DENND4C: variants seen among roughly 807,000 people sequenced by gnomAD.
DENND4C encodes DENN domain-containing protein 4C.
Under a neutral mutation model 203.0 loss-of-function variants are expected in DENND4C, and 108 were observed. The observed-to-expected ratio is 0.53, with a 90% CI of 0.46 to 0.62. The LOEUF is 0.62. Ranked by LOEUF, DENND4C falls within the 20% of genes least tolerant of loss-of-function variation. DENND4C has a pLI of 0.00. For missense variants in DENND4C, 2,481 were observed against 2,301.2 expected (o/e 1.08, Z -1.60); for synonymous variants, 871 against 792.4 (o/e 1.10, Z -1.67).
chr9:19,306,948 A>G (rs1186498628), intron 10 of DENND4C, among the ~76,000 whole-genome samples: 1 of 151,566 alleles, frequency 6.6e-6, no homozygotes, highest in African/African-American at 2.4e-5. Context: ...CACCTGGCTA[A>G]TTTTTTTGTA....
chr9:19,323,340 G>GA (rs1490455806), intron 12 of DENND4C, among the ~76,000 whole-genome samples: 2 of 151,482 alleles, frequency 1.3e-5, no homozygotes, highest in Non-Finnish European at 2.9e-5. Flanking sequence ...TGAGGCAGGA[G>GA]AATCACTTAA....
intron 24 of DENND4C, among the ~76,000 whole-genome samples, chr9:19,351,675 C>T (rs997499515): frequency 4.6e-5 from 7 of 151,762 alleles, no homozygotes; most frequent in South Asian, 2.1e-4. Flanking sequence ...GGCGTGGCAG[C>T]GTGCGCCTGT....
intron 1 of DENND4C, among the ~76,000 whole-genome samples, chr9:19,240,634 C>G (rs1394057568): frequency 6.7e-6 from 1 of 150,350 alleles, no homozygotes; most frequent in African/African-American, 2.5e-5. Flanking sequence ...CCACTTCACT[C>G]CAGCTTGGGC....
chr9:19,278,312 T>C (rs1363487894), intron 2 of DENND4C, among the ~76,000 whole-genome samples: 2 of 152,114 alleles, frequency 1.3e-5, no homozygotes, highest in African/African-American at 2.4e-5. Context: ...ATTTTTGTAT[T>C]TTTAGTAGCA....
intron 1 of DENND4C, among the ~76,000 whole-genome samples, chr9:19,262,198 G>A (rs1339450508): frequency 7.2e-6 from 1 of 139,180 alleles, no homozygotes; most frequent in Non-Finnish European, 1.5e-5. Context: ...GGGATTCTTC[G>A]ACCTCAGCCT....
intron 1 of DENND4C, among the ~76,000 whole-genome samples, chr9:19,251,085 A>G (rs973274634): frequency 6.6e-6 from 1 of 152,242 alleles, no homozygotes; most frequent in Non-Finnish European, 1.5e-5. Context: ...CTGCCCTAGC[A>G]GAGGTTCTCC....
rs778011104 is a variant in DENND4C at position 19,346,735 on chromosome 9, A to G, written c.3966A>G (p.Leu1322=). 3.1e-6 allele frequency: 5 copies of G among 1,614,220 alleles called. No homozygotes were observed. Among genetic ancestry groups the G allele is most frequent in the Non-Finnish European group, 4.2e-6 (5 of 1,180,028 alleles). Residue 1322 remains leucine, a synonymous_variant, in exon 23 of 33, where the codon CTA becomes CTG. Transcript: ENST00000434457. ...SGMTTAFIHA[L]ERRSSLPLDH... ...TGACTACTGCATTTATTCATGCTCT[A>G]GAGAGGAGATCAAGCCTACCTTTAG...
intron 1 of DENND4C, among the ~76,000 whole-genome samples, chr9:19,271,027 A>G (rs187713052): frequency 1.3e-5 from 2 of 152,342 alleles, no homozygotes; most frequent in Admixed American, 1.3e-4. Flanking sequence ...AAAGATGTGG[A>G]AGACCTGTAT....
At chr9:19,325,772 T>C (rs1273745514) in intron 13 of DENND4C, among the ~76,000 whole-genome samples, 167 bp from the exon 14 acceptor site, 1 of 152,204 alleles carries the variant, frequency 6.6e-6, no homozygotes, top group Non-Finnish European at 1.5e-5. Flanking sequence ...TAAAAAATTA[T>C]GCTTTAGCCT....
chr9:19,325,868 A>G (rs1817706563), intron 13 of DENND4C, 71 bp from the exon 14 acceptor site: 1 of 1,454,472 alleles, frequency 6.9e-7, no homozygotes, highest in South Asian at 1.2e-5. Context: ...CTAAATCAGA[A>G]TGTAAGATAA....
chr9:19,352,616 T>G lies in DENND4C; in HGVS notation c.4732T>G (p.Phe1578Val), dbSNP rs186878103. 5.6e-5 allele frequency: 90 copies of G among 1,613,330 alleles called. No individual in the cohort carries two copies. The East Asian group carries it at 1.2e-3, about 22-fold the overall frequency. The change falls in exon 26 of 33, where the codon TTC becomes GTC. Residue 1578 changes from phenylalanine (F) to valine (V), a missense_variant. Physicochemically the swap from Phe to Val is conservative, Grantham distance 50. This residue lies in a region of DENND4C where 2,289 missense variants were observed against 2,113.3 expected (regional missense o/e 1.08). Transcript: ENST00000434457. ...AGCTTGTCCATTCTGTAAAAGCAACTTCTTGCCTCTTCTCAATATAGAATT... is the reference window on the plus strand; with the variant it reads ...AGCTTGTCCATTCTGTAAAAGCAACGTCTTGCCTCTTCTCAATATAGAATT... ...NTACPFCKSN[F>V]LPLLNIEFKD...
Position 19,324,351 on chromosome 9 carries a change from G to T in DENND4C, c.1808-11G>T, listed in dbSNP as rs768478242. ...TAAAATTTGAATTTAATTATATTTT[G>T]TTTTCCTCAGGATTTTTAAAAAGTC... On this transcript the variant is annotated splice_polypyrimidine_tract_variant and intron_variant, in intron 12 of 32. Transcript: ENST00000434457. 73 of 1,573,082 alleles carry T rather than the reference G, an allele frequency of 4.6e-5. No individual in the cohort carries two copies. Among genetic ancestry groups the T allele is most frequent in the Non-Finnish European group, 5.9e-5 (69 of 1,163,576 alleles).
chr9:19,288,670 G>GT lies in DENND4C; in HGVS notation c.628+6dup. On this transcript the variant is annotated splice_donor_region_variant and intron_variant, in intron 4 of 32. Transcript: ENST00000434457. Reference sequence around the variant, plus strand: ...ATGCAATAGCATATAAGGCTGGTAAGTGAGTTAAAAAAAATTGTCTCAATT... The same window carrying GT: ...ATGCAATAGCATATAAGGCTGGTAAGTTGAGTTAAAAAAAATTGTCTCAATT... 1.3e-5 allele frequency: 16 copies of GT among 1,231,038 alleles called. No homozygotes were observed. Among genetic ancestry groups the GT allele is most frequent in the Non-Finnish European group, 1.6e-5 (16 of 987,120 alleles). The allele number at this position is 1,231,038 out of a possible 1,614,324, so 76.3% of individuals were successfully genotyped here.
chr9:19,300,925 A>T (rs981291989), intron 9 of DENND4C, among the ~76,000 whole-genome samples: 15 of 152,218 alleles, frequency 9.9e-5, no homozygotes, highest in Non-Finnish European at 2.1e-4. Flanking sequence ...TACACCTGTA[A>T]TCCCAGCAAT....
intron 26 of DENND4C, among the ~76,000 whole-genome samples, chr9:19,354,307 TGTGAA>T (rs1824855030): frequency 6.6e-6 from 1 of 152,192 alleles, no homozygotes; most frequent in Non-Finnish European, 1.5e-5. Context: ...CTTTTGGACT[TGTGAA>T]GTAGTTTCTC....
At chr9:19,359,491 C>A (rs545637904) in intron 28 of DENND4C, among the ~76,000 whole-genome samples, 1 of 151,984 alleles carries the variant, frequency 6.6e-6, no homozygotes, top group South Asian at 2.1e-4. Flanking sequence ...TGACACAACT[C>A]TAGTAGCATT....
intron 5 of DENND4C, chr9:19,292,341 C>G (rs1179371068): frequency 6.6e-6 from 1 of 151,752 alleles, no homozygotes; most frequent in Non-Finnish European, 1.5e-5. Flanking sequence ...TATCCCGCCT[C>G]TTATTATATC....
intron 1 of DENND4C, among the ~76,000 whole-genome samples, chr9:19,242,694 T>C (rs10733361): frequency 0.81 from 123,070 of 151,308 alleles, 50,493 homozygotes; most frequent in Admixed American, 0.88. Flanking sequence ...CTCCATTTGT[T>C]AACCAGGCTG....
intron 22 of DENND4C, among the ~76,000 whole-genome samples, chr9:19,343,691 T>C (rs1422188205): frequency 1.3e-5 from 2 of 152,240 alleles, no homozygotes; most frequent in African/African-American, 4.8e-5. Flanking sequence ...TCCTAACCTC[T>C]TGATAGCAGA....
Sources: allele counts gnomAD v4.1 joint callset (sites outside exome capture counted in the v4.1 genomes callset), GRCh38; gene constraint gnomAD v4.1.1; regional missense constraint gnomAD v4.1.1; transcripts MANE v1.5; gene names NCBI Gene and HGNC (gene_info 2026-07-23, HGNC 2026-07-21).